The following PTPN9 variants were observed in gnomAD, a reference collection of about 807,000 sequenced individuals.
PTPN9 encodes protein tyrosine phosphatase non-receptor type 9, also known as tyrosine-protein phosphatase non-receptor type 9.
A neutral mutation model predicts 69.8 loss-of-function variants in PTPN9; 26 were observed. The ratio of observed to expected loss-of-function variants is 0.37; its 90% CI spans 0.27 to 0.52. The LOEUF is 0.52. Ranked by LOEUF, PTPN9 falls within the 20% of genes least tolerant of loss-of-function variation. The probability of loss-of-function intolerance (pLI) is 0.91; values close to 1 mark genes in which losing one functional copy is unlikely to be tolerated. For missense variants in PTPN9, 549 were observed against 740.3 expected (o/e 0.74, Z 3.00); for synonymous variants, 274 against 272.5 (o/e 1.01, Z -0.05).
Position 75,470,674 on chromosome 15 carries a change from A to G in PTPN9, c.1359+6T>C, listed in dbSNP as rs988054107. On this transcript the variant is annotated splice_donor_region_variant and intron_variant, in intron 11 of 12. Coordinates refer to ENST00000618819, the MANE Select transcript of PTPN9 (RefSeq NM_002833.4). ...ACAAGGTGAGAAAAAAGAAACCTGG[A>G]TTTACCTCTGTGTTGTGAATTTCTA... The G allele has an allele frequency of 6.8e-6, 11 of 1,612,762 alleles. No individual in the cohort carries two copies. The highest frequency in any genetic ancestry group is 6.7e-5 in the African/African-American group (5 of 74,828).
chr15:75,564,256 CAAT>C (rs774016912), intron 1 of PTPN9, among the ~76,000 whole-genome samples: 16 of 151,636 alleles, frequency 1.1e-4, no homozygotes, highest in Non-Finnish European at 2.9e-5. Flanking sequence ...TGGCCAAAAA[CAAT>C]AATTTTAAAA....
At chr15:75,551,772 C>T (rs2141335498) in intron 1 of PTPN9, among the ~76,000 whole-genome samples, 1 of 152,090 alleles carries the variant, frequency 6.6e-6, no homozygotes, top group South Asian at 2.1e-4. Context: ...CATGGTGGCT[C>T]ATACTTGTAA....
chr15:75,496,715 C>T (rs999282639), intron 7 of PTPN9, among the ~76,000 whole-genome samples: 2 of 151,948 alleles, frequency 1.3e-5, no homozygotes, highest in African/African-American at 4.8e-5. Context: ...ACATGTTGCT[C>T]AGGCTGGTCT....
At chr15:75,481,817 T>A (rs2074636703) in intron 8 of PTPN9, among the ~76,000 whole-genome samples, 1 of 123,094 alleles carries the variant, frequency 8.1e-6, no homozygotes, top group Non-Finnish European at 1.7e-5. Context: ...AGCCGCCCCG[T>A]CCGGGAGGGA....
chr15:75,520,511 T>C (rs995175406), intron 4 of PTPN9, among the ~76,000 whole-genome samples: 3 of 151,968 alleles, frequency 2.0e-5, no homozygotes, highest in Non-Finnish European at 2.9e-5. Flanking sequence ...TGTGTGTATA[T>C]ATATACATAT....
chr15:75,566,314 G>A (rs2075126232), intron 1 of PTPN9, among the ~76,000 whole-genome samples: 1 of 152,192 alleles, frequency 6.6e-6, no homozygotes, highest in African/African-American at 2.4e-5. Context: ...TGAGATCTCA[G>A]CATTTAATAG....
intron 7 of PTPN9, among the ~76,000 whole-genome samples, chr15:75,504,884 G>A (rs2074808976): frequency 6.6e-6 from 1 of 151,742 alleles, no homozygotes; most frequent in Admixed American, 6.6e-5. Context: ...CGGGAGGTGA[G>A]GGGCACCTCT....
intron 1 of PTPN9, among the ~76,000 whole-genome samples, chr15:75,539,081 G>T (rs930017163): frequency 6.6e-6 from 1 of 152,210 alleles, no homozygotes; most frequent in African/African-American, 2.4e-5. Flanking sequence ...ATAACTATAA[G>T]CAACCTTTAA....
At chr15:75,523,028 G>C (rs749004508) in intron 4 of PTPN9, 93 bp downstream of exon 4, 17 of 1,440,520 alleles carry the variant, frequency 1.2e-5, no homozygotes, top group African/African-American at 1.4e-5. Context: ...CATCCTAGGA[G>C]AATGGCGAAG....
intron 10 of PTPN9, among the ~76,000 whole-genome samples, chr15:75,472,108 A>AGGTT (rs2074570023): frequency 3.3e-5 from 5 of 152,214 alleles, no homozygotes; most frequent in Admixed American, 3.3e-4. Context: ...CATCTGAAAT[A>AGGTT]GGTTATTCCT....
chr15:75,487,231 T>C (rs1041706022), intron 8 of PTPN9: 2 of 151,126 alleles, frequency 1.3e-5, no homozygotes, highest in Admixed American at 6.6e-5. Flanking sequence ...AATGGAAAAA[T>C]AGCCCCATAG....
intron 1 of PTPN9, among the ~76,000 whole-genome samples, chr15:75,539,965 C>T (rs959370504): frequency 2.0e-5 from 3 of 152,216 alleles, no homozygotes; most frequent in African/African-American, 7.2e-5. Flanking sequence ...TAGGCAAGAG[C>T]CGCCACGTCT....
chr15:75,533,309 G>A (rs1049648298), intron 1 of PTPN9, among the ~76,000 whole-genome samples: 1 of 152,124 alleles, frequency 6.6e-6, no homozygotes, highest in African/African-American at 2.4e-5. Context: ...TGTCACCGAG[G>A]ATGGAGTGGA....
chr15:75,502,822 T>A lies in PTPN9; in HGVS notation c.968+2853A>T, dbSNP rs116506381. On this transcript the variant is annotated intron_variant, in intron 7 of 12. Transcript: ENST00000618819. Reference sequence around the variant, plus strand: ...GAGAGTAGCCTATTTTGAACCTACTTTTTTTAAAAAAAACTTGCATTTCAG... The same window carrying A: ...GAGAGTAGCCTATTTTGAACCTACTATTTTTAAAAAAAACTTGCATTTCAG... 2.4e-3 allele frequency among the ~76,000 whole-genome samples: 366 copies of A among 152,256 alleles called. 1 individual carries two copies. Among genetic ancestry groups the A allele is most frequent in the African/African-American group, 8.5e-3 (352 of 41,542 alleles).
At chr15:75,470,049 CT>C in intron 11 of PTPN9, 50 bp from the exon 12 acceptor site, 1 of 1,500,128 alleles carries the variant, frequency 6.7e-7, no homozygotes, top group Non-Finnish European at 9.2e-7. Flanking sequence ...CTGCCTGCCC[CT>C]AGCTACCTCT....
Position 75,463,526 on chromosome 15 carries a change from G to A in PTPN9, c.*5243C>T, listed in dbSNP as rs1278643699. On this transcript the variant is annotated 3_prime_UTR_variant, in exon 13 of 13. Coordinates refer to ENST00000618819, the MANE Select transcript of PTPN9 (RefSeq NM_002833.4). The stretch of plus-strand genomic sequence containing the variant: ...CTAGGATTCTAGTGGAGTTAGCTAT[G>A]TCCACCATGGCCTTAGCCTGAAAAA... 1 of 152,270 alleles carries A rather than the reference G, an allele frequency of 6.6e-6. No individual in the cohort carries two copies. The highest frequency in any genetic ancestry group is 1.9e-4 in the East Asian group (1 of 5,176). The allele number at this position is 152,270 out of a possible 1,614,324, so 9.4% of individuals were successfully genotyped here.
At chr15:75,566,288 CAAT>C (rs1178144261) in intron 1 of PTPN9, among the ~76,000 whole-genome samples, 1 of 152,082 alleles carries the variant, frequency 6.6e-6, no homozygotes, top group Non-Finnish European at 1.5e-5. Context: ...GCCAGATTTG[CAAT>C]AATATTAAAA....
chr15:75,478,460 C>T (rs959565579), intron 9 of PTPN9, among the ~76,000 whole-genome samples: 4 of 152,118 alleles, frequency 2.6e-5, no homozygotes, highest in African/African-American at 9.7e-5. Context: ...GGCTGGAGTG[C>T]AGTGGCACGA....
At chr15:75,533,672 A>T (rs1276132481) in intron 1 of PTPN9, among the ~76,000 whole-genome samples, 2 of 152,212 alleles carry the variant, frequency 1.3e-5, no homozygotes, top group Non-Finnish European at 2.9e-5. Flanking sequence ...GGCCATGAAG[A>T]TAAAGATACT....
Sources: allele counts gnomAD v4.1 joint callset (sites outside exome capture counted in the v4.1 genomes callset), GRCh38; gene constraint gnomAD v4.1.1; transcripts MANE v1.5; gene names NCBI Gene and HGNC (gene_info 2026-07-23, HGNC 2026-07-21).